Variants in GPRIN3 observed in about 807,000 individuals in gnomAD.
GPRIN3 encodes the protein G protein-regulated inducer of neurite outgrowth 3.
A neutral mutation model predicts 13.7 loss-of-function variants in GPRIN3; 12 were observed. That is an observed-to-expected ratio of 0.87 (90% CI 0.56 to 1.42). The LOEUF is 1.42. Ranked by LOEUF, GPRIN3 falls within the 40% of genes most tolerant of loss-of-function variation. The pLI is 0.00. For synonymous variants in GPRIN3, 377 were observed against 372.7 expected (o/e 1.01, Z -0.13); for missense variants, 1,009 against 958.7 (o/e 1.05, Z -0.69).
chr4:89,273,596 G>A (rs773070628), intron 1 of GPRIN3, among the ~76,000 whole-genome samples: 1 of 152,142 alleles, frequency 6.6e-6, no homozygotes, highest in African/African-American at 2.4e-5. Context: ...CTGAGGCAGG[G>A]AATTGCTTGA....
chr4:89,266,383 T>C lies in GPRIN3; in HGVS notation c.-123-16150A>G, dbSNP rs183612179. ...GCCTGCCCAGTACCTGTCACTGATA[T>C]TGCATGAGACCAAGAGTAAGTGGCT... is the stretch of plus-strand genomic sequence containing the variant. On this transcript the variant is annotated intron_variant, in intron 1 of 1. Coordinates refer to ENST00000609438, the MANE Select transcript of GPRIN3 (RefSeq NM_198281.3). Among the ~76,000 whole-genome samples the C allele has an allele frequency of 2.4e-3, 366 of 152,268 alleles. 2 individuals carry two copies. The highest frequency in any genetic ancestry group is 8.5e-3 in the African/African-American group (354 of 41,550).
At chr4:89,259,234 A>G (rs1723560901) in intron 1 of GPRIN3, among the ~76,000 whole-genome samples, 1 of 152,210 alleles carries the variant, frequency 6.6e-6, no homozygotes, top group Non-Finnish European at 1.5e-5. Flanking sequence ...TTCAACAAAA[A>G]TATTTTTTAA....
chr4:89,253,683 G>A (rs1374821442), intron 1 of GPRIN3, among the ~76,000 whole-genome samples: 1 of 152,164 alleles, frequency 6.6e-6, no homozygotes, highest in Non-Finnish European at 1.5e-5. Flanking sequence ...TTGAAAGTGC[G>A]TTTTATTTCA....
chr4:89,278,855 A>G (rs1724166005), intron 1 of GPRIN3, among the ~76,000 whole-genome samples: 1 of 152,200 alleles, frequency 6.6e-6, no homozygotes, highest in East Asian at 1.9e-4. Flanking sequence ...GATCTGGGGT[A>G]GTCACAGAAT....
At chr4:89,303,690 G>A (rs776158603) in intron 1 of GPRIN3, among the ~76,000 whole-genome samples, 1 of 150,984 alleles carries the variant, frequency 6.6e-6, no homozygotes, top group Admixed American at 6.6e-5. Context: ...AGATGTATAC[G>A]TTATTTGGTT....
intron 1 of GPRIN3, among the ~76,000 whole-genome samples, chr4:89,278,890 T>C (rs1471079133): frequency 6.6e-6 from 1 of 152,118 alleles, no homozygotes; most frequent in South Asian, 2.1e-4. Flanking sequence ...TGGAAGCAGG[T>C]TCAAAGAGGG....
At chr4:89,277,160 T>C (rs558011583) in intron 1 of GPRIN3, among the ~76,000 whole-genome samples, 2 of 152,280 alleles carry the variant, frequency 1.3e-5, no homozygotes, top group South Asian at 4.1e-4. Context: ...TCTATTGTAG[T>C]GGCTTTTGGG....
In GPRIN3 at chr4:89,247,812, C is replaced by T. The variant is rs776817941; in HGVS notation, c.2299G>A (p.Val767Ile). Residue 767 changes from valine (V) to isoleucine (I), a missense_variant, in exon 2 of 2, where the codon GTC becomes ATC. Physicochemically the swap from Val to Ile is conservative, Grantham distance 29. Coordinates refer to ENST00000609438, the MANE Select transcript of GPRIN3 (RefSeq NM_198281.3). ...LQNFRRPNCC[V>I]RPAPSSVLD ...AACACAGAAGACGGGGCAGGACGGA[C>T]GCAGCAGTTGGGGCGTCGGAAGTTC... 2.0e-5 allele frequency: 32 copies of T among 1,613,332 alleles called. No homozygotes were observed. The East Asian group carries it at 3.8e-4, about 19-fold the overall frequency.
chr4:89,295,525 G>C (rs1334575605), intron 1 of GPRIN3, among the ~76,000 whole-genome samples: 2 of 152,136 alleles, frequency 1.3e-5, no homozygotes, highest in East Asian at 3.8e-4. Flanking sequence ...AATGAATGAA[G>C]GCATACATGC....
In GPRIN3 at chr4:89,255,385, A is replaced by T. The variant is rs547683034; in HGVS notation, c.-123-5152T>A. On this transcript the variant is annotated intron_variant, in intron 1 of 1. Transcript: ENST00000609438. ...ATAAAAGTGTTAGCCTCTTTTAGAA[A>T]CCTTGGTATTTAAGCTTTTATCTGT... is the stretch of plus-strand genomic sequence containing the variant. Among the ~76,000 whole-genome samples the T allele has an allele frequency of 1.1e-4, 16 of 152,332 alleles. No homozygotes were observed. The South Asian group carries it at 3.3e-3, about 32-fold the overall frequency.
At chr4:89,251,945 T>C (rs1038916501) in intron 1 of GPRIN3, among the ~76,000 whole-genome samples, 5 of 152,032 alleles carry the variant, frequency 3.3e-5, no homozygotes, top group African/African-American at 1.2e-4. Context: ...CATATCATTA[T>C]GTAAAATTAT....
At chr4:89,256,204 T>A (rs1438862876) in intron 1 of GPRIN3, among the ~76,000 whole-genome samples, 1 of 152,026 alleles carries the variant, frequency 6.6e-6, no homozygotes, top group East Asian at 1.9e-4. Flanking sequence ...AAGAAAAAAT[T>A]TTAAAATTTT....
intron 1 of GPRIN3, among the ~76,000 whole-genome samples, chr4:89,303,403 A>G (rs1724951640): frequency 6.6e-6 from 1 of 152,254 alleles, no homozygotes; most frequent in East Asian, 1.9e-4. Context: ...ATAGTTCAAC[A>G]GTAACATTCA....
intron 1 of GPRIN3, among the ~76,000 whole-genome samples, chr4:89,251,432 C>T (rs746053277): frequency 6.6e-6 from 1 of 152,126 alleles, no homozygotes. Context: ...ACTATAAATA[C>T]ACATTTCCTT....
At chr4:89,286,091 G>GTGTGTA (rs1039903535) in intron 1 of GPRIN3, among the ~76,000 whole-genome samples, 4,332 of 146,650 alleles carry the variant, frequency 0.03, 90 homozygotes, top group Middle Eastern at 0.052. Context: ...ATGTGTGTGT[G>GTGTGTA]TATATATATA....
At position 89,292,563 on chromosome 4, in the gene GPRIN3, A is replaced by C. The variant is rs528727512; in HGVS notation, c.-124+15052T>G. 5.9e-5 allele frequency among the ~76,000 whole-genome samples: 9 copies of C among 152,192 alleles called. No individual in the cohort carries two copies. In the South Asian group the frequency reaches 1.7e-3, roughly 28 times the overall value. On this transcript the variant is annotated intron_variant, in intron 1 of 1. Transcript: ENST00000609438. Reference sequence around the variant, plus strand: ...CTATTTGTCAAGTGAGTTGGGGCAAAAAAGAGGTTGAGGGTCACTGATAAA... The same window carrying C: ...CTATTTGTCAAGTGAGTTGGGGCAACAAAGAGGTTGAGGGTCACTGATAAA...
intron 1 of GPRIN3, among the ~76,000 whole-genome samples, chr4:89,267,458 G>C (rs1125127): frequency 0.022 from 3,304 of 152,244 alleles, 126 homozygotes; most frequent in African/African-American, 0.075. Context: ...CCTCGGTGAG[G>C]TACCCTTATT....
intron 1 of GPRIN3, among the ~76,000 whole-genome samples, chr4:89,264,276 C>G (rs1312160935): frequency 6.6e-6 from 1 of 152,270 alleles, no homozygotes; most frequent in East Asian, 1.9e-4. Flanking sequence ...CCTACTGCCC[C>G]TCTCTTGCTT....
In GPRIN3 at chr4:89,273,077, G is replaced by A. The variant is rs569649565; in HGVS notation, c.-123-22844C>T. Among the ~76,000 whole-genome samples the A allele has an allele frequency of 3.3e-5, 5 of 152,086 alleles. No homozygotes were observed. In the East Asian group the frequency reaches 9.7e-4, roughly 29 times the overall value. On this transcript the variant is annotated intron_variant, in intron 1 of 1. Transcript: ENST00000609438. ...GAAACACTCAGTAAATGCATTACAT[G>A]GCAATCTCACTAAGTTTATGCCATC...
Sources: allele counts gnomAD v4.1 joint callset (sites outside exome capture counted in the v4.1 genomes callset), GRCh38; gene constraint gnomAD v4.1.1; transcripts MANE v1.5; gene names NCBI Gene and HGNC (gene_info 2026-07-23, HGNC 2026-07-21).